Variants in STX8 observed in about 807,000 individuals in gnomAD.
The protein encoded by STX8 is syntaxin-8.
Under a neutral mutation model 37.5 loss-of-function variants are expected in STX8, and 23 were observed. That is an observed-to-expected ratio of 0.61 (90% CI 0.44 to 0.87). The LOEUF (loss-of-function observed/expected upper bound fraction) is 0.87. STX8 is among the 40% of genes least tolerant of loss of function. STX8 has a pLI of 0.00. For synonymous variants in STX8, 115 were observed against 99.1 expected, an observed-to-expected ratio of 1.16 and a Z score of -0.95; for missense variants, 313 against 284.7, an observed-to-expected ratio of 1.10 and a Z score of -0.71.
At chr17:9,297,115 T>C (rs991200839) in intron 7 of STX8, among the ~76,000 whole-genome samples, 1 of 152,012 alleles carries the variant, frequency 6.6e-6, no homozygotes, top group Non-Finnish European at 1.5e-5. Flanking sequence ...CAATGCACAG[T>C]GAACCTCCAA....
At chr17:9,546,335 T>C (rs1480655014) in intron 3 of STX8, among the ~76,000 whole-genome samples, 2 of 151,786 alleles carry the variant, frequency 1.3e-5, no homozygotes, top group Non-Finnish European at 2.9e-5. Flanking sequence ...TCTTTATATG[T>C]AACACTAAAT....
At chr17:9,459,641 G>A (rs1214839842) in intron 6 of STX8, among the ~76,000 whole-genome samples, 2 of 152,070 alleles carry the variant, frequency 1.3e-5, no homozygotes, top group South Asian at 4.2e-4. Flanking sequence ...TTAACCTCCC[G>A]AGTAGCTGGG....
intron 1 of STX8, among the ~76,000 whole-genome samples, chr17:9,570,228 T>TG (rs1488926873): frequency 6.6e-6 from 1 of 151,968 alleles, no homozygotes; most frequent in Non-Finnish European, 1.5e-5. Context: ...TGAAGGAAAA[T>TG]GCGCCCATCA....
chr17:9,501,601 G>T (rs1047330648), intron 5 of STX8, among the ~76,000 whole-genome samples: 6 of 151,834 alleles, frequency 4.0e-5, no homozygotes, highest in African/African-American at 1.5e-4. Flanking sequence ...TGAGGCAGGA[G>T]AATCGCTTGA....
At chr17:9,469,617 G>A in intron 6 of STX8, 1 of 152,126 alleles carries the variant, frequency 6.6e-6, no homozygotes. Flanking sequence ...AAAGCTCTCT[G>A]TCCATTTCTG....
chr17:9,431,542 G>A (rs1175903886), intron 6 of STX8, among the ~76,000 whole-genome samples: 1 of 152,038 alleles, frequency 6.6e-6, no homozygotes, highest in African/African-American at 2.4e-5. Flanking sequence ...TGATCCACCT[G>A]CCTCGGCCTC....
intron 5 of STX8, among the ~76,000 whole-genome samples, chr17:9,493,093 G>A (rs1246918999): frequency 4.4e-5 from 6 of 136,928 alleles, no homozygotes; most frequent in East Asian, 2.1e-4. Context: ...GTGAGACTCC[G>A]TCTCAAAAAA....
rs1906532594 is a variant in STX8, at chr17:9,250,586, T to C, written c.703A>G (p.Thr235Ala). Reference sequence around the variant, plus strand: ...TGGTCTCTTTACTGCCATCAGTTGGTCGGCCAGACTGCAACAACCACGATA... The same window carrying C: ...TGGTCTCTTTACTGCCATCAGTTGGCCGGCCAGACTGCAACAACCACGATA... ...VAIVVVAVWP[T>A]N is the part of the protein sequence containing the mutation. The change falls in exon 8 of 8, where the codon ACC becomes GCC. Residue 235 changes from threonine to alanine, a missense_variant. Thr to Ala is a moderately conservative substitution (Grantham distance 58, BLOSUM62 0). Coordinates refer to ENST00000306357, the MANE Select transcript of STX8 (RefSeq NM_004853.3). 5 of 1,594,456 alleles carry C rather than the reference T, an allele frequency of 3.1e-6. No homozygotes were observed. The African/African-American group carries it at 5.3e-5, about 17-fold the overall frequency.
chr17:9,509,655 C>A (rs537968730), intron 4 of STX8, among the ~76,000 whole-genome samples: 3 of 151,922 alleles, frequency 2.0e-5, no homozygotes, highest in African/African-American at 7.3e-5. Flanking sequence ...AGAAATCAAG[C>A]CTTATCACTT....
intron 6 of STX8, among the ~76,000 whole-genome samples, chr17:9,391,001 A>G (rs1386314484): frequency 6.6e-6 from 1 of 152,216 alleles, no homozygotes; most frequent in African/African-American, 2.4e-5. Context: ...GAAACTCCAT[A>G]TTAGTCATTA....
intron 6 of STX8, among the ~76,000 whole-genome samples, chr17:9,490,655 G>A (rs568110679): frequency 1.3e-5 from 2 of 152,260 alleles, no homozygotes; most frequent in East Asian, 3.9e-4. Context: ...GTGAGCCACC[G>A]CACCCACCTG....
chr17:9,353,933 A>AAG (rs33928023), intron 7 of STX8, among the ~76,000 whole-genome samples: 10 of 152,180 alleles, frequency 6.6e-5, no homozygotes, highest in Non-Finnish European at 1.5e-5. Context: ...TCCTAAAAAA[A>AAG]GGTTATAATA....
intron 7 of STX8, among the ~76,000 whole-genome samples, chr17:9,319,721 G>C (rs1909510194): frequency 6.6e-6 from 1 of 152,086 alleles, no homozygotes; most frequent in Non-Finnish European, 1.5e-5. Flanking sequence ...GGGAGGCCGA[G>C]GTGGGTAGAT....
At chr17:9,482,083 G>C (rs1262023272) in intron 6 of STX8, among the ~76,000 whole-genome samples, 2 of 152,112 alleles carry the variant, frequency 1.3e-5, no homozygotes, top group Admixed American at 1.3e-4. Flanking sequence ...CAGGCAGGAG[G>C]ATGGCTTCAT....
intron 7 of STX8, among the ~76,000 whole-genome samples, chr17:9,272,190 C>T (rs1170297868): frequency 6.6e-6 from 1 of 152,240 alleles, no homozygotes; most frequent in Admixed American, 6.5e-5. Context: ...AATGACCGCT[C>T]TTGCTTAGAA....
At chr17:9,465,156 C>T (rs1905556006) in intron 6 of STX8, among the ~76,000 whole-genome samples, 1 of 151,896 alleles carries the variant, frequency 6.6e-6, no homozygotes, top group African/African-American at 2.4e-5. Context: ...ACCAAAAACA[C>T]TTCCTCAGTA....
intron 4 of STX8, among the ~76,000 whole-genome samples, chr17:9,532,822 G>C (rs922786342): frequency 1.3e-5 from 2 of 151,754 alleles, no homozygotes; most frequent in Non-Finnish European, 2.9e-5. Context: ...ACATTATATG[G>C]CTGGTATCAG....
At chr17:9,326,934 C>T (rs1271113669) in intron 7 of STX8, among the ~76,000 whole-genome samples, 2 of 152,032 alleles carry the variant, frequency 1.3e-5, no homozygotes, top group Non-Finnish European at 2.9e-5. Flanking sequence ...CTGAGGCGGG[C>T]AGATCACCTG....
intron 6 of STX8, among the ~76,000 whole-genome samples, chr17:9,488,144 G>A (rs547852266): frequency 1.3e-5 from 2 of 152,128 alleles, no homozygotes; most frequent in African/African-American, 4.8e-5. Context: ...CTGGCCAACA[G>A]GGTGAAACCT....
Sources: gnomAD v4.1 joint callset for allele counts (sites outside exome capture counted in the v4.1 genomes callset) on GRCh38, gnomAD v4.1.1 for gene constraint, MANE v1.5 for transcripts, NCBI Gene and HGNC (gene_info 2026-07-23, HGNC 2026-07-21) for gene names.